Variants in DLG2 observed in about 807,000 individuals in gnomAD.
DLG2 encodes discs large MAGUK scaffold protein 2.
DLG2 carries 45 observed loss-of-function variants against 132.5 expected under a neutral mutation model. That is an observed-to-expected ratio of 0.34 (90% confidence interval 0.27 to 0.44). The LOEUF is 0.44. DLG2 is among the 20% of genes least tolerant of loss of function. The pLI is 1.00. For missense variants in DLG2, 1,045 were observed against 1,196.9 expected, an observed-to-expected ratio of 0.87 and a Z score of 1.87; for synonymous variants, 424 against 419.6, an observed-to-expected ratio of 1.01 and a Z score of -0.13.
At chr11:85,425,193 T>G (rs2090620297) in intron 3 of DLG2, among the ~76,000 whole-genome samples, 1 of 152,130 alleles carries the variant, frequency 6.6e-6, no homozygotes, top group Non-Finnish European at 1.5e-5. Context: ...GCAGAACATC[T>G]CAAAGAAAAT....
intron 15 of DLG2, among the ~76,000 whole-genome samples, chr11:83,908,267 C>G (rs12362149): frequency 0.071 from 10,841 of 151,938 alleles, 527 homozygotes; most frequent in African/African-American, 0.13. Flanking sequence ...TTCATAGATG[C>G]CTTCTCATCT....
At chr11:84,882,582 T>C (rs988000520) in intron 6 of DLG2, among the ~76,000 whole-genome samples, 1 of 152,062 alleles carries the variant, frequency 6.6e-6, no homozygotes, top group African/African-American at 2.4e-5. Context: ...GAGAAATATC[T>C]ACTCACTCTT....
chr11:85,082,292 C>T (rs1171563457), intron 6 of DLG2, among the ~76,000 whole-genome samples: 1 of 152,002 alleles, frequency 6.6e-6, no homozygotes, highest in African/African-American at 2.4e-5. Context: ...CAGCTTCAGG[C>T]AATAACAACA....
intron 3 of DLG2, among the ~76,000 whole-genome samples, chr11:85,428,805 C>T (rs1349096030): frequency 6.6e-6 from 1 of 151,940 alleles, no homozygotes. Context: ...GATAGAGACA[C>T]AAAAAACCCT....
chr11:85,508,260 A>G (rs545108557), intron 3 of DLG2, among the ~76,000 whole-genome samples: 16 of 152,044 alleles, frequency 1.1e-4, no homozygotes, highest in African/African-American at 3.9e-4. Flanking sequence ...CTTTTTAAAC[A>G]CAAGTCAGAT....
intron 19 of DLG2, among the ~76,000 whole-genome samples, chr11:83,610,823 AG>A (rs1366544285): frequency 6.6e-6 from 1 of 152,220 alleles, no homozygotes; most frequent in African/African-American, 2.4e-5. Flanking sequence ...TATCCACAAT[AG>A]AAAGAGGAGA....
chr11:85,476,172 T>A (rs1227770019), intron 3 of DLG2, among the ~76,000 whole-genome samples: 6 of 152,136 alleles, frequency 3.9e-5, no homozygotes, highest in Admixed American at 3.3e-4. Flanking sequence ...CTGTACTGAA[T>A]ACTGTAAGCA....
chr11:83,941,836 A>G (rs1456403000), intron 14 of DLG2, among the ~76,000 whole-genome samples: 2 of 152,242 alleles, frequency 1.3e-5, no homozygotes, highest in Non-Finnish European at 2.9e-5. Flanking sequence ...TTTAAAATAA[A>G]AGTTGCTCAT....
intron 6 of DLG2, among the ~76,000 whole-genome samples, chr11:84,762,354 T>G (rs2067747732): frequency 6.6e-6 from 1 of 152,156 alleles, no homozygotes; most frequent in Admixed American, 6.6e-5. Flanking sequence ...CAATAAAAAA[T>G]TATTCTATTA....
intron 3 of DLG2, among the ~76,000 whole-genome samples, chr11:85,528,101 T>C (rs1000896829): frequency 1.2e-4 from 19 of 152,236 alleles, no homozygotes; most frequent in African/African-American, 4.1e-4. Flanking sequence ...GTCGGATGGA[T>C]AGATTTCAAA....
intron 6 of DLG2, among the ~76,000 whole-genome samples, chr11:85,074,350 T>C (rs1257107510): frequency 6.6e-6 from 1 of 151,922 alleles, no homozygotes; most frequent in Non-Finnish European, 1.5e-5. Context: ...GCTTCTCATT[T>C]CTACCACTTT....
rs2073176549 is a variant in DLG2, at chr11:84,787,882, T to TG, written c.358-253152dup. 4.6e-5 allele frequency among the ~76,000 whole-genome samples: 7 copies of TG among 151,024 alleles called. No individual in the cohort carries two copies. In the South Asian group the frequency reaches 1.5e-3, roughly 32 times the overall value. ...GGGAGGCCGAGACAGGTGGATCACT[T>TG]GAGGCTAGGAGTTCAAGACCAGCCT... On this transcript the variant is annotated intron_variant, in intron 6 of 27. Transcript: ENST00000376104.
chr11:85,607,092 G>A (rs937642421), intron 2 of DLG2, among the ~76,000 whole-genome samples: 1 of 152,202 alleles, frequency 6.6e-6, no homozygotes, highest in Non-Finnish European at 1.5e-5. Context: ...CTATCGCCAA[G>A]TGGTGAGTAC....
intron 3 of DLG2, among the ~76,000 whole-genome samples, chr11:85,389,000 A>C (rs2086581244): frequency 1.3e-5 from 2 of 152,170 alleles, no homozygotes; most frequent in Admixed American, 1.3e-4. Flanking sequence ...AACCAAGATG[A>C]AGTTTCTGAA....
At chr11:83,509,269 T>C (rs11233648) in intron 21 of DLG2, among the ~76,000 whole-genome samples, 52,992 of 152,096 alleles carry the variant, frequency 0.35, 9,326 homozygotes, top group Middle Eastern at 0.46. Flanking sequence ...TTAACTTTTT[T>C]AGGATTCATT....
chr11:84,766,364 T>A (rs2068413233), intron 6 of DLG2, among the ~76,000 whole-genome samples: 3 of 152,060 alleles, frequency 2.0e-5, no homozygotes, highest in African/African-American at 7.2e-5. Flanking sequence ...TTACATCTAT[T>A]TGAAATTTTC....
chr11:83,610,052 T>A (rs1158219546), intron 19 of DLG2, among the ~76,000 whole-genome samples: 1 of 152,150 alleles, frequency 6.6e-6, no homozygotes, highest in Non-Finnish European at 1.5e-5. Flanking sequence ...AACATCACAC[T>A]AGGTAAAAAT....
chr11:84,852,572 G>T (rs1338386416), intron 6 of DLG2, among the ~76,000 whole-genome samples: 1 of 151,958 alleles, frequency 6.6e-6, no homozygotes, highest in Non-Finnish European at 1.5e-5. Flanking sequence ...AAATAGTCCT[G>T]ATCTTTGATG....
intron 10 of DLG2, among the ~76,000 whole-genome samples, chr11:84,062,821 C>A (rs1350376614): frequency 3.3e-5 from 5 of 151,384 alleles, no homozygotes; most frequent in Non-Finnish European, 5.9e-5. Context: ...GTATGTCAGG[C>A]CAAACTAGGG....
Sources: allele counts gnomAD v4.1 joint callset (sites outside exome capture counted in the v4.1 genomes callset), GRCh38; gene constraint gnomAD v4.1.1; transcripts MANE v1.5; gene names NCBI Gene and HGNC (gene_info 2026-07-23, HGNC 2026-07-21).